MEI1: variants seen among roughly 807,000 people sequenced by gnomAD.
MEI1 encodes meiotic double-stranded break formation protein 1, also known as meiosis inhibitor protein 1.
MEI1 carries 103 observed loss-of-function variants against 146.2 expected under a neutral mutation model. The ratio of observed to expected loss-of-function variants is 0.70; its 90% CI spans 0.60 to 0.83. MEI1 has a LOEUF of 0.83. Among genes scored for constraint, MEI1 ranks in the 40% least tolerant of loss-of-function variants. The pLI is 0.00. For synonymous variants in MEI1, 652 were observed against 628.2 expected (o/e 1.04, Z -0.57); for missense variants, 1,529 against 1,533.0 (o/e 1.00, Z 0.04).
intron 17 of MEI1, among the ~76,000 whole-genome samples, chr22:41,755,579 T>C (rs1451697318): frequency 6.6e-6 from 1 of 152,202 alleles, no homozygotes; most frequent in African/African-American, 2.4e-5. Flanking sequence ...CCTGCTCCAC[T>C]GCTTCTGGCA....
chr22:41,789,413 T>A (rs2076098645), intron 26 of MEI1, among the ~76,000 whole-genome samples: 1 of 152,190 alleles, frequency 6.6e-6, no homozygotes, highest in South Asian at 2.1e-4. Context: ...ATCCTCTGGC[T>A]TTGGCCTCAC....
At chr22:41,736,642 A>C (rs2072398088) in intron 11 of MEI1, among the ~76,000 whole-genome samples, 1 of 151,960 alleles carries the variant, frequency 6.6e-6, no homozygotes, top group Admixed American at 6.6e-5. Context: ...TGATCCTCCC[A>C]CTTTGACCTC....
At chr22:41,744,903 T>C (rs2073172887) in intron 12 of MEI1, 70 bp from the exon 13 acceptor site, 10 of 904,088 alleles carry the variant, frequency 1.1e-5, no homozygotes, top group Non-Finnish European at 1.6e-5. Context: ...AGGTCTACAG[T>C]CATCCAAGCA....
Position 41,781,303 on chromosome 22 carries a change from G to C in MEI1, c.2835G>C (p.Lys945Asn). The C allele has an allele frequency of 6.2e-7, 1 of 1,612,418 alleles. No individual in the cohort carries two copies. The highest frequency in any genetic ancestry group is 1.3e-5 in the African/African-American group (1 of 75,034). ...LLHQVSKLCG[K>N]CSPTDVDILQ... ...TTGCAGTAAGCAAGCTGTGTGGGAAGTGCAGCCCCACTGACGTGGACATCC... is the reference window on the plus strand; with the variant it reads ...TTGCAGTAAGCAAGCTGTGTGGGAACTGCAGCCCCACTGACGTGGACATCC... Residue 945 changes from lysine (K) to asparagine (N), a missense_variant, in exon 23 of 31, where the codon AAG (lysine) becomes AAC (asparagine). Transcript: ENST00000401548.
intron 3 of MEI1, among the ~76,000 whole-genome samples, chr22:41,713,226 A>G (rs932421873): frequency 1.3e-5 from 2 of 152,214 alleles, no homozygotes; most frequent in African/African-American, 4.8e-5. Flanking sequence ...TTATCCCAGC[A>G]CTTTGGGAGA....
intron 11 of MEI1, among the ~76,000 whole-genome samples, 197 bp from the exon 12 acceptor site, chr22:41,742,883 A>G (rs1485831911): frequency 6.6e-6 from 1 of 152,164 alleles, no homozygotes; most frequent in East Asian, 1.9e-4. Flanking sequence ...GACTCAAGAC[A>G]TCTACTCATC....
intron 24 of MEI1, 125 bp from the exon 25 acceptor site, chr22:41,784,214 T>C (rs563564490): frequency 4.7e-5 from 38 of 805,006 alleles, no homozygotes; most frequent in Non-Finnish European, 7.3e-5. Context: ...CTGTGTGGCC[T>C]CCTCCGTCCC....
At chr22:41,749,975 TTGAC>T (rs1332651864) in intron 15 of MEI1, among the ~76,000 whole-genome samples, 5 of 152,212 alleles carry the variant, frequency 3.3e-5, no homozygotes, top group African/African-American at 9.6e-5. Flanking sequence ...AGGTGGGTAA[TTGAC>T]TGTGTCTGAA....
intron 15 of MEI1, among the ~76,000 whole-genome samples, chr22:41,749,091 A>AC (rs569829891): frequency 4.8e-4 from 73 of 152,190 alleles, no homozygotes; most frequent in African/African-American, 1.6e-3. Context: ...GGCGTGAGCG[A>AC]CCGCCCAGAA....
In MEI1 at chr22:41,753,979, T is replaced by C; in HGVS notation, c.1884T>C (p.Asn628=). 6.2e-7 allele frequency: 1 copy of C among 1,613,696 alleles called. No homozygotes were observed. The highest frequency in any genetic ancestry group is 8.5e-7 in the Non-Finnish European group (1 of 1,179,620). The change falls in exon 17 of 31, where the codon AAT becomes AAC. Residue 628 remains asparagine (N), a synonymous_variant. Coordinates refer to ENST00000401548, the MANE Select transcript of MEI1 (RefSeq NM_152513.4). ...SHSALNQVCS[N]FLYYMCLNLL... ...CAGCCCTAAACCAGGTGTGTTCCAATTTCCTCTACTATATGTGCCTCAACC... is the reference window on the plus strand; with the variant it reads ...CAGCCCTAAACCAGGTGTGTTCCAACTTCCTCTACTATATGTGCCTCAACC...
At position 41,717,656 on chromosome 22, in the gene MEI1, C is replaced by A. The variant is rs187613314; in HGVS notation, c.530-415C>A. Reference sequence around the variant, plus strand: ...TTTGAGTTGGAGTCTCGCTCTGTTGCCTAGGCTGGAGTGTGGTGGCATGAT... The same window carrying A: ...TTTGAGTTGGAGTCTCGCTCTGTTGACTAGGCTGGAGTGTGGTGGCATGAT... On this transcript the variant is annotated intron_variant, in intron 5 of 30. Coordinates refer to ENST00000401548, the MANE Select transcript of MEI1 (RefSeq NM_152513.4). Among the ~76,000 whole-genome samples the A allele has an allele frequency of 3.1e-3, 448 of 146,744 alleles. 2 individuals carry two copies. Among genetic ancestry groups the A allele is most frequent in the Middle Eastern group, 0.018 (5 of 284 alleles).
At chr22:41,747,765 A>G (rs1354885279) in intron 14 of MEI1, among the ~76,000 whole-genome samples, 2 of 143,736 alleles carry the variant, frequency 1.4e-5, no homozygotes, top group Non-Finnish European at 3.0e-5. Context: ...GGCAGTTTAT[A>G]AACTATATTA....
At chr22:41,780,581 CTTTTT>C (rs1245310767) in intron 22 of MEI1, among the ~76,000 whole-genome samples, 1 of 134,310 alleles carries the variant, frequency 7.4e-6, no homozygotes. Context: ...TTTTTCTTTT[CTTTTT>C]TTTTTTTTTT....
Position 41,699,683 on chromosome 22 carries a change from C to G in MEI1, c.145C>G (p.Leu49Val), listed in dbSNP as rs925266979. Residue 49 changes from leucine (L) to valine (V), a missense_variant, in exon 1 of 31, where the codon CTG becomes GTG. This residue lies in a region of MEI1 where 1,212 missense variants were observed against 1,178.9 expected (regional missense o/e 1.03). Transcript: ENST00000401548. The stretch of plus-strand genomic sequence containing the variant: ...CCCCCGCCTGTGCCTGGCCTGCGCG[C>G]TGGAGCTGCTGCCGGACCCCGGCGT... The part of the protein sequence containing the change: ...VTPRLCLACA[L>V]ELLPDPGVSL... 3 of 1,587,818 alleles carry G rather than the reference C, an allele frequency of 1.9e-6. No individual in the cohort carries two copies. The highest frequency in any genetic ancestry group is 2.6e-6 in the Non-Finnish European group (3 of 1,167,820).
chr22:41,742,397 G>A (rs1458889439), intron 11 of MEI1, among the ~76,000 whole-genome samples: 7 of 152,136 alleles, frequency 4.6e-5, no homozygotes, highest in African/African-American at 1.4e-4. Context: ...TCAATTCTAG[G>A]TAGTGCTTCT....
chr22:41,699,674 G>T lies in MEI1; in HGVS notation c.136G>T (p.Ala46Ser), dbSNP rs2068540000. ...GCCCGTGACCCCCCGCCTGTGCCTG[G>T]CCTGCGCGCTGGAGCTGCTGCCGGA... is the stretch of plus-strand genomic sequence containing the variant. ...LLPVTPRLCL[A>S]CALELLPDPG... The change falls in exon 1 of 31, where the codon GCC (alanine) becomes TCC (serine). Residue 46 changes from alanine (A) to serine (S), a missense_variant. Physicochemically the swap from Ala to Ser is moderately conservative, Grantham distance 99. Around this residue, in one of 3 missense-constraint regions of MEI1, gnomAD observed 1,212 missense variants for 1,178.9 expected, o/e 1.03. Coordinates refer to ENST00000401548, the MANE Select transcript of MEI1 (RefSeq NM_152513.4). 1 of 1,592,318 alleles carries T rather than the reference G, an allele frequency of 6.3e-7. No individual in the cohort carries two copies. The highest frequency in any genetic ancestry group is 1.3e-5 in the African/African-American group (1 of 74,476).
In MEI1 at chr22:41,730,680, G is replaced by A. The variant is rs368356860; in HGVS notation, c.1096+43G>A. The A allele has an allele frequency of 1.7e-5, 23 of 1,371,260 alleles. No homozygotes were observed. In the East Asian group the frequency reaches 1.8e-4, roughly 11 times the overall value. The allele number at this position is 1,371,260 out of a possible 1,614,324, so 84.9% of individuals were successfully genotyped here. Reference sequence around the variant, plus strand: ...TGTACTAGCTTTGGGTTGGGTGGACGGCAGTTTGCACTTGGGTAGCAGCCG... The same window carrying A: ...TGTACTAGCTTTGGGTTGGGTGGACAGCAGTTTGCACTTGGGTAGCAGCCG... On this transcript the variant is annotated intron_variant, in intron 9 of 30. Transcript: ENST00000401548.
At chr22:41,750,401 A>G (rs1008850239) in intron 15 of MEI1, among the ~76,000 whole-genome samples, 40 of 152,190 alleles carry the variant, frequency 2.6e-4, no homozygotes, top group African/African-American at 8.9e-4. Context: ...AAAAATGTCC[A>G]TTGGACTTGG....
chr22:41,773,880 CACAAA>C (rs758481750), intron 20 of MEI1, among the ~76,000 whole-genome samples: 3 of 151,978 alleles, frequency 2.0e-5, no homozygotes, highest in Non-Finnish European at 4.4e-5. Context: ...GTCTCAAAAA[CACAAA>C]ACAAAACAAA....
Sources: allele counts gnomAD v4.1 joint callset (sites outside exome capture counted in the v4.1 genomes callset), GRCh38; gene constraint gnomAD v4.1.1; regional missense constraint gnomAD v4.1.1; transcripts MANE v1.5; gene names NCBI Gene and HGNC (gene_info 2026-07-23, HGNC 2026-07-21).